The following FUT9 variants were observed in gnomAD, a reference collection of about 807,000 sequenced individuals.
FUT9 encodes the protein fucosyltransferase 9, also known as 4-galactosyl-N-acetylglucosaminide 3-alpha-L-fucosyltransferase 9.
FUT9 carries 15 observed loss-of-function variants against 29.7 expected under a neutral mutation model. That is an observed-to-expected ratio of 0.51 (90% CI 0.34 to 0.78). FUT9 has a LOEUF of 0.78. Ranked by LOEUF, FUT9 falls within the 30% of genes least tolerant of loss-of-function variation. FUT9 has a pLI of 0.01. For missense variants in FUT9, 319 were observed against 425.4 expected (o/e 0.75, Z 2.20); for synonymous variants, 169 against 153.7 (o/e 1.10, Z -0.74).
chr6:96,102,687 T>C (rs1170856336), intron 1 of FUT9, among the ~76,000 whole-genome samples: 2 of 152,192 alleles, frequency 1.3e-5, no homozygotes, highest in Non-Finnish European at 2.9e-5. Context: ...TTCAAGCTTC[T>C]TAATTTTCTT....
At chr6:96,022,891 G>A (rs1257914751) in intron 1 of FUT9, among the ~76,000 whole-genome samples, 1 of 151,820 alleles carries the variant, frequency 6.6e-6, no homozygotes, top group African/African-American at 2.4e-5. Context: ...GTATGTTAAG[G>A]AGGTGATCTG....
In FUT9 at chr6:96,203,732, G is replaced by T. The variant is rs367998184; in HGVS notation, c.577G>T (p.Val193Leu). 5 of 1,613,946 alleles carry T rather than the reference G, an allele frequency of 3.1e-6. No individual in the cohort carries two copies. The African/African-American group carries it at 5.3e-5, about 17-fold the overall frequency. The change falls in exon 3 of 3, where the codon GTG (valine) becomes TTG (leucine). Residue 193 changes from valine to leucine, a missense_variant. By Grantham distance (32) the Val-to-Leu change is conservative. Transcript: ENST00000302103. ...CAAAGAGAAATTGGTGTGCTGGGTT[G>T]TGAGTAACTGGAACCCTGAGCATGC... ...PSKEKLVCWV[V>L]SNWNPEHARV...
chr6:96,171,737 G>A (rs13211759), intron 2 of FUT9, among the ~76,000 whole-genome samples: 48,671 of 152,014 alleles, frequency 0.32, 8,335 homozygotes, highest in Non-Finnish European at 0.4. Context: ...GCAAAACTTT[G>A]AATCCTTCTA....
At chr6:96,020,549 A>G (rs1770049539) in intron 1 of FUT9, among the ~76,000 whole-genome samples, 1 of 152,138 alleles carries the variant, frequency 6.6e-6, no homozygotes, top group African/African-American at 2.4e-5. Context: ...AGCCAGAGGG[A>G]TCAATGGAAG....
intron 2 of FUT9, among the ~76,000 whole-genome samples, chr6:96,196,512 G>A (rs773576011): frequency 1.3e-5 from 2 of 152,048 alleles, no homozygotes; most frequent in Non-Finnish European, 2.9e-5. Flanking sequence ...AGGAGATCGC[G>A]ATCATCCCAG....
At chr6:96,144,677 C>A (rs1028913248) in intron 2 of FUT9, among the ~76,000 whole-genome samples, 2 of 152,122 alleles carry the variant, frequency 1.3e-5, no homozygotes, top group Non-Finnish European at 2.9e-5. Flanking sequence ...AAATTGATTT[C>A]ATCTTTAAGA....
intron 1 of FUT9, among the ~76,000 whole-genome samples, chr6:96,024,647 G>T (rs1205487641): frequency 6.6e-6 from 1 of 151,698 alleles, no homozygotes; most frequent in Non-Finnish European, 1.5e-5. Flanking sequence ...TTAATTTGGG[G>T]CATTAGCTGC....
chr6:96,054,085 T>C (rs1770720979), intron 1 of FUT9, among the ~76,000 whole-genome samples: 2 of 152,144 alleles, frequency 1.3e-5, no homozygotes, highest in Admixed American at 6.6e-5. Flanking sequence ...GAAAACTAAA[T>C]CTTCCACTGT....
intron 1 of FUT9, among the ~76,000 whole-genome samples, chr6:96,100,826 G>A (rs140094791): frequency 1.1e-4 from 16 of 152,260 alleles, no homozygotes; most frequent in East Asian, 3.9e-4. Context: ...ACAACACACC[G>A]TTGTAAAATC....
At chr6:96,107,124 T>C (rs1052247475) in intron 1 of FUT9, among the ~76,000 whole-genome samples, 1 of 152,186 alleles carries the variant, frequency 6.6e-6, no homozygotes, top group Non-Finnish European at 1.5e-5. Context: ...CTGGTCTAAA[T>C]GAAAACATTC....
chr6:96,150,975 G>A (rs1158073869), intron 2 of FUT9, among the ~76,000 whole-genome samples: 2 of 152,104 alleles, frequency 1.3e-5, no homozygotes, highest in East Asian at 3.9e-4. Flanking sequence ...ACTGATATAA[G>A]CTTTCTAATT....
intron 1 of FUT9, among the ~76,000 whole-genome samples, chr6:96,087,362 A>ATTTT (rs55814316): frequency 2.1e-5 from 2 of 96,652 alleles, no homozygotes; most frequent in East Asian, 3.3e-4. Flanking sequence ...TTCCCCACAA[A>ATTTT]TTTTTTTTTT....
At chr6:96,109,877 G>C (rs557101852) in intron 1 of FUT9, among the ~76,000 whole-genome samples, 1 of 152,224 alleles carries the variant, frequency 6.6e-6, no homozygotes, top group Admixed American at 6.5e-5. Flanking sequence ...GCTGCTGCCT[G>C]GCTGTCTTAC....
chr6:96,098,110 GAAAA>G (rs35825355), intron 1 of FUT9, among the ~76,000 whole-genome samples: 1 of 150,568 alleles, frequency 6.6e-6, no homozygotes, highest in Non-Finnish European at 1.5e-5. Flanking sequence ...AGAAAACAAA[GAAAA>G]AAAAATAAGA....
intron 2 of FUT9, among the ~76,000 whole-genome samples, chr6:96,158,108 A>G (rs1772824561): frequency 6.6e-6 from 1 of 152,222 alleles, no homozygotes; most frequent in South Asian, 2.1e-4. Flanking sequence ...TGAAGAAAAT[A>G]TGATTAGTGG....
At chr6:96,119,432 C>G (rs141329557) in intron 2 of FUT9, among the ~76,000 whole-genome samples, 2 of 152,326 alleles carry the variant, frequency 1.3e-5, no homozygotes, top group African/African-American at 4.8e-5. Flanking sequence ...AGTCCACTCT[C>G]TGATGTTTGC....
intron 2 of FUT9, among the ~76,000 whole-genome samples, chr6:96,157,091 T>C (rs941654938): frequency 6.6e-6 from 1 of 152,240 alleles, no homozygotes; most frequent in Non-Finnish European, 1.5e-5. Flanking sequence ...GAGTTAACTG[T>C]ACCTAGCCCC....
At position 96,166,154 on chromosome 6, in the gene FUT9, TA is replaced by T. The variant is rs151129714; in HGVS notation, c.-8-36984del. On this transcript the variant is annotated intron_variant, in intron 2 of 2. Transcript: ENST00000302103. ...CACAATTCACTTGCTTCAGAAACAA[TA>T]AAAAAAAAAGAAAATGAGATCTTCT... Among the ~76,000 whole-genome samples the T allele has an allele frequency of 4.0e-4, 59 of 146,420 alleles. 1 individual carries two copies. The highest frequency in any genetic ancestry group is 1.4e-3 in the Admixed American group (21 of 14,626).
At chr6:96,063,567 G>T (rs1330439009) in intron 1 of FUT9, among the ~76,000 whole-genome samples, 1 of 152,128 alleles carries the variant, frequency 6.6e-6, no homozygotes, top group Admixed American at 6.5e-5. Flanking sequence ...CAACACTGGG[G>T]ATTACATTTC....
Sources: gnomAD v4.1 joint callset for allele counts (sites outside exome capture counted in the v4.1 genomes callset) on GRCh38, gnomAD v4.1.1 for gene constraint, MANE v1.5 for transcripts, NCBI Gene and HGNC (gene_info 2026-07-23, HGNC 2026-07-21) for gene names.